The following KLF8 variants were observed in gnomAD, a reference collection of about 807,000 sequenced individuals.
KLF8 encodes the protein Krueppel-like factor 8.
A neutral mutation model predicts 18.2 loss-of-function variants in KLF8; 10 were observed. The observed-to-expected ratio is 0.55, with a 90% CI of 0.34 to 0.93. The LOEUF (loss-of-function observed/expected upper bound fraction) is 0.93, where lower values mean the gene tolerates loss of function less well. KLF8 is among the 40% of genes least tolerant of loss of function. KLF8 has a pLI of 0.02. For synonymous variants in KLF8, 109 were observed against 97.3 expected (o/e 1.12, Z -0.71); for missense variants, 264 against 277.9 (o/e 0.95, Z 0.36).
the KLF8 span, among the ~76,000 whole-genome samples, chrX:56,225,582 A>C: frequency 8.9e-6 from 1 of 112,277 alleles, no homozygotes; most frequent in Admixed American, 9.4e-5. Context: ...TGGAAATATC[A>C]AAGAGGCATA....
intron 4 of KLF8, 82 bp downstream of exon 4, chrX:56,269,571 G>A (rs2067023397): frequency 1.7e-5 from 18 of 1,057,645 alleles, no homozygotes; most frequent in Non-Finnish European, 2.2e-5. Context: ...ATGTATAGGT[G>A]GAACTAATGA....
the KLF8 span, chrX:56,015,277 C>A: frequency 8.9e-6 from 1 of 111,911 alleles, no homozygotes; most frequent in East Asian, 2.8e-4. Flanking sequence ...TCACAAAATA[C>A]ATACATCTTT....
At chrX:56,057,393 A>T in the KLF8 span, among the ~76,000 whole-genome samples, 5 of 111,445 alleles carry the variant, frequency 4.5e-5, no homozygotes, top group East Asian at 2.8e-4. Context: ...GGGTGCATGC[A>T]TAGAGGTGCA....
the KLF8 span, among the ~76,000 whole-genome samples, chrX:56,011,220 A>G: frequency 8.9e-6 from 1 of 112,224 alleles, no homozygotes; most frequent in East Asian, 2.8e-4. Context: ...CATAATTGGA[A>G]GTAAAACACT....
the KLF8 span, among the ~76,000 whole-genome samples, chrX:56,039,590 T>G: frequency 9.0e-6 from 1 of 111,727 alleles, no homozygotes; most frequent in African/African-American, 3.3e-5. Context: ...TGGTCAATGT[T>G]TCTGTTCTTG....
At chrX:56,129,860 G>A in the KLF8 span, among the ~76,000 whole-genome samples, 2 of 110,665 alleles carry the variant, frequency 1.8e-5, no homozygotes, top group Non-Finnish European at 3.8e-5. Context: ...TGGCCTTTTG[G>A]GTTGCATGGG....
chrX:55,930,510 G>A, the KLF8 span, among the ~76,000 whole-genome samples: 1 of 112,137 alleles, frequency 8.9e-6, no homozygotes. Context: ...GTGAGATATT[G>A]GCTGTGGGTT....
the KLF8 span, among the ~76,000 whole-genome samples, chrX:56,047,912 T>C: frequency 9.0e-6 from 1 of 111,703 alleles, no homozygotes; most frequent in Non-Finnish European, 1.9e-5. Flanking sequence ...TTTCTCCACA[T>C]CCTCTCCAGC....
chrX:56,177,789 G>T, the KLF8 span, among the ~76,000 whole-genome samples: 1,559 of 111,401 alleles, frequency 0.014, 21 homozygotes, highest in Non-Finnish European at 0.021. Flanking sequence ...ACCTACTCAA[G>T]CCTCAGAAAT....
the KLF8 span, among the ~76,000 whole-genome samples, chrX:56,129,779 C>T: frequency 9.0e-6 from 1 of 111,504 alleles, no homozygotes; most frequent in South Asian, 3.9e-4. Flanking sequence ...GGGACAAGTT[C>T]TCAGCCCTGC....
chrX:56,092,145 CT>C, the KLF8 span, among the ~76,000 whole-genome samples: 3 of 110,679 alleles, frequency 2.7e-5, no homozygotes, highest in African/African-American at 6.6e-5. Flanking sequence ...TTTTCTTGTC[CT>C]TTGCCCATTT....
the KLF8 span, among the ~76,000 whole-genome samples, chrX:55,925,630 G>C: frequency 9.0e-6 from 1 of 111,549 alleles, no homozygotes; most frequent in Non-Finnish European, 1.9e-5. Context: ...CAACATGAAG[G>C]GAAGATACCT....
chrX:56,155,158 A>G, the KLF8 span, among the ~76,000 whole-genome samples: 1 of 111,883 alleles, frequency 8.9e-6, no homozygotes, highest in East Asian at 2.8e-4. Context: ...ATGCTCACGT[A>G]TATTTATTGT....
the KLF8 span, among the ~76,000 whole-genome samples, chrX:55,954,367 T>C: frequency 1.8e-5 from 2 of 111,536 alleles, no homozygotes; most frequent in African/African-American, 6.5e-5. Flanking sequence ...ATGATATACT[T>C]CACAAAAAAA....
At chrX:56,061,521 C>T in the KLF8 span, among the ~76,000 whole-genome samples, 3 of 111,887 alleles carry the variant, frequency 2.7e-5, no homozygotes, top group Non-Finnish European at 5.6e-5. Flanking sequence ...GCACTGTGGT[C>T]TGTCAGGCTG....
At chrX:56,068,671 A>T in the KLF8 span, among the ~76,000 whole-genome samples, 1 of 110,884 alleles carries the variant, frequency 9.0e-6, no homozygotes, top group Non-Finnish European at 1.9e-5. Context: ...GTCCCAGGAA[A>T]CACCTGGATT....
the KLF8 span, among the ~76,000 whole-genome samples, chrX:56,137,598 A>C: frequency 1.5e-5 from 1 of 68,661 alleles, no homozygotes. Context: ...CACTCTGAGG[A>C]CTGTTGGGTG....
At chrX:55,911,867 G>A in the KLF8 span, among the ~76,000 whole-genome samples, 2 of 111,973 alleles carry the variant, frequency 1.8e-5, no homozygotes, top group African/African-American at 6.5e-5. Context: ...GGAGACTTGT[G>A]GATTAGTGTA....
chrX:56,122,440 C>T, the KLF8 span, among the ~76,000 whole-genome samples: 1 of 111,420 alleles, frequency 9.0e-6, no homozygotes, highest in Admixed American at 9.6e-5. Context: ...ATATATGATA[C>T]TTGGTATGCA....
Sources: gnomAD v4.1 joint callset for allele counts (sites outside exome capture counted in the v4.1 genomes callset) on GRCh38, gnomAD v4.1.1 for gene constraint, MANE v1.5 for transcripts, NCBI Gene and HGNC (gene_info 2026-07-23, HGNC 2026-07-21) for gene names.